Variants in ADARB2 observed in about 807,000 individuals in gnomAD.
ADARB2 encodes adenosine deaminase RNA specific B2 (inactive).
In ADARB2, 25 loss-of-function variants were observed where a neutral mutation model predicts 62.2. The observed-to-expected ratio is 0.40, with a 90% confidence interval of 0.29 to 0.56. The LOEUF (loss-of-function observed/expected upper bound fraction) is 0.56. Ranked by LOEUF, ADARB2 falls within the 20% of genes least tolerant of loss-of-function variation. The pLI, the probability that ADARB2 is intolerant of heterozygous loss-of-function variation, is 0.43. For missense variants in ADARB2, 1,071 were observed against 1,077.4 expected (o/e 0.99, Z 0.08); for synonymous variants, 572 against 500.8 (o/e 1.14, Z -1.90).
rs574044205 is a variant in ADARB2 at position 1,350,245 on chromosome 10, C to T, written c.1077+12783G>A. ...CCTGACGTCCAGGCTTTCTTTCATACATCCCTAGTCTGTTCCCAATGCAAC... is the reference window on the plus strand; with the variant it reads ...CCTGACGTCCAGGCTTTCTTTCATATATCCCTAGTCTGTTCCCAATGCAAC... On this transcript the variant is annotated intron_variant, in intron 3 of 9. Transcript: ENST00000381312. 2.6e-5 allele frequency among the ~76,000 whole-genome samples: 4 copies of T among 152,302 alleles called. No individual in the cohort carries two copies. In the East Asian group the frequency reaches 5.8e-4, roughly 22 times the overall value.
chr10:1,219,735 GATGGTGAAGATA>G (rs970061609), intron 6 of ADARB2, among the ~76,000 whole-genome samples: 10 of 151,858 alleles, frequency 6.6e-5, no homozygotes, highest in African/African-American at 2.4e-4. Flanking sequence ...AGGTGATGGT[GATGGTGAAGATA>G]ATGGTGATGA....
At chr10:1,415,793 T>C (rs1166263757) in intron 1 of ADARB2, among the ~76,000 whole-genome samples, 1 of 152,228 alleles carries the variant, frequency 6.6e-6, no homozygotes, top group Non-Finnish European at 1.5e-5. Flanking sequence ...AAAATTATCA[T>C]CTTATGTGAA....
intron 1 of ADARB2, among the ~76,000 whole-genome samples, chr10:1,469,219 G>A (rs1831292748): frequency 6.6e-6 from 1 of 152,092 alleles, no homozygotes; most frequent in Non-Finnish European, 1.5e-5. Flanking sequence ...TAACAGAGCA[G>A]CACCTCCCCA....
chr10:1,487,474 C>T (rs1337528136), intron 1 of ADARB2, among the ~76,000 whole-genome samples: 1 of 152,134 alleles, frequency 6.6e-6, no homozygotes, highest in Non-Finnish European at 1.5e-5. Context: ...GAGTGGAGAC[C>T]CTGTGGGCTC....
intron 2 of ADARB2, among the ~76,000 whole-genome samples, chr10:1,377,627 T>A (rs922007631): frequency 2.6e-5 from 4 of 152,008 alleles, no homozygotes; most frequent in Non-Finnish European, 4.4e-5. Context: ...CATCTGGAAA[T>A]TTTCCAGTTT....
At chr10:1,229,054 A>G (rs181502831) in intron 6 of ADARB2, among the ~76,000 whole-genome samples, 23 of 152,330 alleles carry the variant, frequency 1.5e-4, no homozygotes, top group African/African-American at 5.5e-4. Context: ...ACCCTGATAG[A>G]TAAGCCAGAG....
intron 1 of ADARB2, among the ~76,000 whole-genome samples, chr10:1,623,723 G>T (rs561594544): frequency 3.8e-4 from 58 of 151,748 alleles, no homozygotes; most frequent in Admixed American, 9.2e-4. Context: ...CCGCCTACAG[G>T]ACCAGGGGCC....
chr10:1,552,664 G>A (rs4242727), intron 1 of ADARB2, among the ~76,000 whole-genome samples: 135,455 of 146,310 alleles, frequency 0.93, 63,214 homozygotes, highest in East Asian at 1. Context: ...TGCCAAGGTC[G>A]GCTTCAGGGA....
At chr10:1,633,950 A>T (rs1025761736) in intron 1 of ADARB2, among the ~76,000 whole-genome samples, 1 of 152,108 alleles carries the variant, frequency 6.6e-6, no homozygotes, top group Non-Finnish European at 1.5e-5. Context: ...ATGGCACCTC[A>T]CGAGCCCCAT....
At chr10:1,464,284 C>T (rs796612909) in intron 1 of ADARB2, among the ~76,000 whole-genome samples, 3 of 117,186 alleles carry the variant, frequency 2.6e-5, no homozygotes, top group African/African-American at 3.1e-5. Context: ...CCCACACACG[C>T]GCTGGGGACA....
chr10:1,374,958 A>G (rs905634364), intron 2 of ADARB2, among the ~76,000 whole-genome samples: 15 of 148,494 alleles, frequency 1.0e-4, no homozygotes, highest in Admixed American at 2.7e-4. Flanking sequence ...AAGCGACAGG[A>G]GGCAGGCTGG....
chr10:1,349,504 T>C (rs1832113682), intron 3 of ADARB2, among the ~76,000 whole-genome samples: 2 of 152,180 alleles, frequency 1.3e-5, no homozygotes, highest in Admixed American at 1.3e-4. Context: ...GTGAGAAAGA[T>C]CCACCTACAA....
chr10:1,376,645 C>G (rs979861279), intron 2 of ADARB2, among the ~76,000 whole-genome samples: 1 of 152,206 alleles, frequency 6.6e-6, no homozygotes, highest in African/African-American at 2.4e-5. Context: ...CCTCTAGTTG[C>G]TACAGAAAGG....
At chr10:1,407,410 G>A (rs1402720425) in intron 1 of ADARB2, among the ~76,000 whole-genome samples, 1 of 152,230 alleles carries the variant, frequency 6.6e-6, no homozygotes. Flanking sequence ...TGGGGTCTCT[G>A]GCTTAACCCC....
chr10:1,404,039 C>A (rs1832686320), intron 1 of ADARB2, among the ~76,000 whole-genome samples: 2 of 152,230 alleles, frequency 1.3e-5, no homozygotes, highest in South Asian at 2.1e-4. Flanking sequence ...GGGTCAGGGG[C>A]TTCCTGTGGT....
intron 1 of ADARB2, among the ~76,000 whole-genome samples, chr10:1,585,187 C>T (rs1051266681): frequency 6.6e-6 from 1 of 151,998 alleles, no homozygotes; most frequent in East Asian, 1.9e-4. Flanking sequence ...GCAGTGCGGA[C>T]AGTGGGGGAG....
chr10:1,226,482 G>A (rs1445855008), intron 6 of ADARB2, among the ~76,000 whole-genome samples: 1 of 152,216 alleles, frequency 6.6e-6, no homozygotes, highest in Non-Finnish European at 1.5e-5. Context: ...GAGGAGAGGT[G>A]CTCTGATTTT....
At chr10:1,463,830 C>G (rs1269943034) in intron 1 of ADARB2, among the ~76,000 whole-genome samples, 1 of 149,480 alleles carries the variant, frequency 6.7e-6, no homozygotes, top group African/African-American at 2.5e-5. Flanking sequence ...TCTCAAAATT[C>G]AAAATTAAGA....
In ADARB2 at chr10:1,242,168, G is replaced by T. The variant is rs771127669; in HGVS notation, c.1324C>A (p.Leu442Met). The T allele has an allele frequency of 1.2e-6, 2 of 1,610,490 alleles. 1 individual carries two copies. The highest frequency in any genetic ancestry group is 2.2e-5 in the South Asian group (2 of 90,948). ...TCCAGCTGCGTGTAGAGGAAGTGCA[G>T]GAACGCCCGCCGGGCCACGACCTCC... ...HAEVVARRAF[L>M]HFLYTQLELH... is the part of the protein sequence containing the mutation. Residue 442 changes from leucine to methionine, a missense_variant, in exon 5 of 10, where the codon CTG becomes ATG. Coordinates refer to ENST00000381312, the MANE Select transcript of ADARB2 (RefSeq NM_018702.4).
Sources: allele counts gnomAD v4.1 joint callset (sites outside exome capture counted in the v4.1 genomes callset), GRCh38; gene constraint gnomAD v4.1.1; transcripts MANE v1.5; gene names NCBI Gene and HGNC (gene_info 2026-07-23, HGNC 2026-07-21).